SYN2: variants seen among roughly 807,000 people sequenced by gnomAD.
The protein encoded by SYN2 is synapsin II, also known as synapsin-2.
SYN2 carries 19 observed loss-of-function variants against 50.9 expected under a neutral mutation model. The observed-to-expected ratio is 0.37, with a 90% confidence interval of 0.26 to 0.55. The LOEUF is 0.55. Ranked by LOEUF, SYN2 falls within the 20% of genes least tolerant of loss-of-function variation. The pLI, the probability that SYN2 is intolerant of heterozygous loss-of-function variation, is 0.81. For missense variants in SYN2, 587 were observed against 576.4 expected (o/e 1.02, Z -0.19); for synonymous variants, 255 against 224.9 (o/e 1.13, Z -1.20).
chr3:12,168,265 G>A, intron 8 of SYN2, 111 bp from the exon 9 acceptor site: 1 of 782,198 alleles, frequency 1.3e-6, no homozygotes, highest in Non-Finnish European at 2.2e-6. Flanking sequence ...GGAGGGAGCA[G>A]TGGGAATGGG....
At chr3:12,072,918 G>A (rs995841056) in intron 1 of SYN2, among the ~76,000 whole-genome samples, 4 of 152,076 alleles carry the variant, frequency 2.6e-5, no homozygotes, top group African/African-American at 9.7e-5. Flanking sequence ...TAAAGACAGA[G>A]CACTAAAGGC....
intron 1 of SYN2, among the ~76,000 whole-genome samples, chr3:12,033,756 A>T (rs1694432703): frequency 6.6e-6 from 1 of 152,214 alleles, no homozygotes; most frequent in South Asian, 2.1e-4. Context: ...TATAAATGGA[A>T]CCATACAATA....
chr3:12,075,658 C>T (rs188759466), intron 1 of SYN2, among the ~76,000 whole-genome samples: 27 of 152,168 alleles, frequency 1.8e-4, no homozygotes, highest in African/African-American at 6.3e-4. Context: ...TATTCCTCTT[C>T]CCTGATAATA....
At chr3:12,038,642 C>A (rs1252066114) in intron 1 of SYN2, among the ~76,000 whole-genome samples, 1 of 151,790 alleles carries the variant, frequency 6.6e-6, no homozygotes, top group African/African-American at 2.4e-5. Context: ...AATTCTTATT[C>A]CCAACAATTT....
At chr3:12,154,817 A>T (rs1370517021) in intron 5 of SYN2, among the ~76,000 whole-genome samples, 1 of 152,156 alleles carries the variant, frequency 6.6e-6, no homozygotes, top group Non-Finnish European at 1.5e-5. Context: ...GAAGATGAAA[A>T]TTATAAAGTT....
intron 10 of SYN2, among the ~76,000 whole-genome samples, chr3:12,183,012 A>C (rs1698257872): frequency 6.6e-6 from 1 of 152,254 alleles, no homozygotes; most frequent in African/African-American, 2.4e-5. Context: ...TAGAGGACGC[A>C]AAGCTTCTAG....
At chr3:12,028,492 A>C (rs1414525660) in intron 1 of SYN2, among the ~76,000 whole-genome samples, 52 of 149,742 alleles carry the variant, frequency 3.5e-4, no homozygotes, top group South Asian at 8.6e-4. Flanking sequence ...AGTCCCACCA[A>C]CAGTGTAAAA....
chr3:12,068,507 G>A (rs1695270235), intron 1 of SYN2, among the ~76,000 whole-genome samples: 1 of 152,118 alleles, frequency 6.6e-6, no homozygotes, highest in Non-Finnish European at 1.5e-5. Context: ...ACTCTCTGGA[G>A]CCCTTTCAGT....
At chr3:12,020,668 A>G (rs1694114513) in intron 1 of SYN2, among the ~76,000 whole-genome samples, 1 of 152,116 alleles carries the variant, frequency 6.6e-6, no homozygotes, top group Non-Finnish European at 1.5e-5. Context: ...ACAGGCACCT[A>G]GATATAAACT....
rs1325933311 is a variant in SYN2 at position 12,030,588 on chromosome 3, C to A, written c.377+25660C>A. The stretch of plus-strand genomic sequence containing the variant: ...ATTGGTCTGTTCAGAGATTCAACTT[C>A]TTCCTGGTTTAGTCTTGGGAGAGTG... On this transcript the variant is annotated intron_variant, in intron 1 of 12. Transcript: ENST00000621198. Among the ~76,000 whole-genome samples the A allele has an allele frequency of 2.0e-5, 3 of 151,430 alleles. No homozygotes were observed. In the East Asian group the frequency reaches 5.8e-4, roughly 29 times the overall value.
intron 1 of SYN2, among the ~76,000 whole-genome samples, chr3:12,114,987 T>C (rs1264969005): frequency 6.6e-6 from 1 of 152,166 alleles, no homozygotes; most frequent in Non-Finnish European, 1.5e-5. Flanking sequence ...AAACTTGCCT[T>C]TCCATCCCCA....
At chr3:12,170,745 T>C (rs1279302670) in intron 10 of SYN2, among the ~76,000 whole-genome samples, 1 of 152,218 alleles carries the variant, frequency 6.6e-6, no homozygotes, top group African/African-American at 2.4e-5. Flanking sequence ...CCTTTCTTGG[T>C]CTCAAGTTTT....
At chr3:12,081,630 T>C (rs1321099128) in intron 1 of SYN2, among the ~76,000 whole-genome samples, 1 of 152,198 alleles carries the variant, frequency 6.6e-6, no homozygotes, top group Non-Finnish European at 1.5e-5. Flanking sequence ...AACTGATGAT[T>C]TCTAACAGTG....
At chr3:12,170,527 A>T (rs895123045) in intron 10 of SYN2, among the ~76,000 whole-genome samples, 1 of 152,232 alleles carries the variant, frequency 6.6e-6, no homozygotes, top group African/African-American at 2.4e-5. Context: ...GGAAATCCAC[A>T]CTAAAGTTTT....
intron 1 of SYN2, among the ~76,000 whole-genome samples, chr3:12,018,330 G>A (rs879594721): frequency 6.6e-6 from 1 of 151,944 alleles, no homozygotes; most frequent in African/African-American, 2.4e-5. Flanking sequence ...GCAGATGTAG[G>A]CTAGTTGGCA....
intron 5 of SYN2, chr3:12,153,373 T>G: frequency 1.0e-6 from 1 of 989,348 alleles, no homozygotes; most frequent in East Asian, 2.4e-5. Context: ...TTCCCTGCCT[T>G]GACAGTGGCC....
At chr3:12,182,803 G>A (rs890094957) in intron 10 of SYN2, among the ~76,000 whole-genome samples, 3 of 152,224 alleles carry the variant, frequency 2.0e-5, no homozygotes, top group Admixed American at 6.5e-5. Context: ...CACTAGGTCC[G>A]GCTGGGCGCA....
intron 1 of SYN2, among the ~76,000 whole-genome samples, chr3:12,062,592 T>A (rs925342750): frequency 2.0e-5 from 3 of 151,996 alleles, no homozygotes; most frequent in African/African-American, 7.2e-5. Context: ...AGAAAATATT[T>A]GCAAAATATG....
intron 1 of SYN2, among the ~76,000 whole-genome samples, chr3:12,076,749 G>A (rs1695476070): frequency 6.6e-6 from 1 of 152,098 alleles, no homozygotes; most frequent in Non-Finnish European, 1.5e-5. Flanking sequence ...GCTCATTAGT[G>A]ATAGAACTGT....
Sources: allele counts gnomAD v4.1 joint callset (sites outside exome capture counted in the v4.1 genomes callset), GRCh38; gene constraint gnomAD v4.1.1; transcripts MANE v1.5; gene names NCBI Gene and HGNC (gene_info 2026-07-23, HGNC 2026-07-21).